ETV6: variants seen among roughly 807,000 people sequenced by gnomAD.
ETV6 encodes ETS variant transcription factor 6.
Under a neutral mutation model 51.1 loss-of-function variants are expected in ETV6, and 16 were observed. The ratio of observed to expected loss-of-function variants is 0.31; its 90% CI spans 0.21 to 0.48. The LOEUF is 0.48. ETV6 is among the 20% of genes least tolerant of loss of function. The pLI is 0.99. For missense variants in ETV6, 458 were observed against 594.8 expected, an observed-to-expected ratio of 0.77 and a Z score of 2.39; for synonymous variants, 240 against 224.1, an observed-to-expected ratio of 1.07 and a Z score of -0.64.
At chr12:11,846,003 A>G (rs1316625557) in intron 3 of ETV6, among the ~76,000 whole-genome samples, 1 of 151,856 alleles carries the variant, frequency 6.6e-6, no homozygotes, top group Non-Finnish European at 1.5e-5. Flanking sequence ...AAAAAAAAAA[A>G]AAGAAAAAAG....
intron 1 of ETV6, among the ~76,000 whole-genome samples, chr12:11,728,519 A>C (rs1865533558): frequency 6.6e-6 from 1 of 152,198 alleles, no homozygotes; most frequent in Non-Finnish European, 1.5e-5. Flanking sequence ...ATCTAATGAT[A>C]AATGTCATGT....
At chr12:11,798,465 A>G (rs1945707091) in intron 2 of ETV6, among the ~76,000 whole-genome samples, 2 of 152,152 alleles carry the variant, frequency 1.3e-5, no homozygotes, top group South Asian at 4.2e-4. Context: ...AGACTCCACT[A>G]TGGAGAAGCA....
chr12:11,879,119 G>T (rs373728872), intron 5 of ETV6, among the ~76,000 whole-genome samples: 4 of 151,940 alleles, frequency 2.6e-5, no homozygotes, highest in Admixed American at 2.6e-4. Flanking sequence ...GCTACTTTGC[G>T]TGTTTTGTTG....
At chr12:11,827,422 A>G (rs553607181) in intron 2 of ETV6, among the ~76,000 whole-genome samples, 93 of 152,242 alleles carry the variant, frequency 6.1e-4, no homozygotes, top group South Asian at 1.2e-3. Flanking sequence ...CATGTTCTAG[A>G]AAAGCCATGC....
In ETV6 at chr12:11,869,393, G is replaced by T. The variant is rs910163668; in HGVS notation, c.464-31G>T. ...TTTCCTGTCCTGCCAACTCACTGGGGTCTGTGATTGTCTTTCCCTCTGCTC... is the reference window on the plus strand; with the variant it reads ...TTTCCTGTCCTGCCAACTCACTGGGTTCTGTGATTGTCTTTCCCTCTGCTC... On this transcript the variant is annotated intron_variant, in intron 4 of 7. Transcript: ENST00000396373. The surrounding 1 kb of genome is among the most constrained non-coding windows in gnomAD (Gnocchi z 5.0). 1 of 1,575,030 alleles carries T rather than the reference G, an allele frequency of 6.3e-7. No individual in the cohort carries two copies. The highest frequency in any genetic ancestry group is 8.6e-7 in the Non-Finnish European group (1 of 1,158,990).
intron 2 of ETV6, among the ~76,000 whole-genome samples, chr12:11,787,282 A>T (rs937878283): frequency 3.3e-5 from 5 of 152,222 alleles, no homozygotes; most frequent in Non-Finnish European, 5.9e-5. Flanking sequence ...CACTCACCAC[A>T]TACGGCTTTC....
chr12:11,775,150 T>C (rs1267207333), intron 2 of ETV6, among the ~76,000 whole-genome samples: 1 of 152,202 alleles, frequency 6.6e-6, no homozygotes, highest in East Asian at 1.9e-4. Context: ...TTTGAGAATT[T>C]CACTGTTAAT....
intron 2 of ETV6, among the ~76,000 whole-genome samples, chr12:11,767,260 T>C (rs1460357917): frequency 6.6e-6 from 1 of 152,236 alleles, no homozygotes; most frequent in African/African-American, 2.4e-5. Context: ...CAGTCATACC[T>C]TTTTCACATT....
chr12:11,782,455 T>C (rs1473267829), intron 2 of ETV6, among the ~76,000 whole-genome samples: 4 of 152,200 alleles, frequency 2.6e-5, no homozygotes, highest in Non-Finnish European at 5.9e-5. Context: ...TGTTAAACAT[T>C]TTATTATTAA....
intron 1 of ETV6, among the ~76,000 whole-genome samples, chr12:11,688,019 C>T (rs1298582409): frequency 6.6e-6 from 1 of 152,274 alleles, no homozygotes; most frequent in East Asian, 1.9e-4. Context: ...TATTAGTTTT[C>T]CTGCTTTACA....
intron 1 of ETV6, among the ~76,000 whole-genome samples, chr12:11,654,537 T>C (rs1037773079): frequency 1.3e-5 from 2 of 152,084 alleles, no homozygotes; most frequent in Non-Finnish European, 2.9e-5. Context: ...CTTGGTCCAT[T>C]TTAATCACAA....
chr12:11,749,169 C>T (rs1414498667), intron 1 of ETV6, among the ~76,000 whole-genome samples: 1 of 152,064 alleles, frequency 6.6e-6, no homozygotes, highest in Non-Finnish European at 1.5e-5. Context: ...ACATCATTGA[C>T]CTCCACCAGC....
chr12:11,870,051 C>G (rs1946858033), intron 5 of ETV6, 82 bp downstream of exon 5: 4 of 1,471,978 alleles, frequency 2.7e-6, no homozygotes, highest in Non-Finnish European at 3.6e-6. Flanking sequence ...TTGCAGCCAG[C>G]CTCGCACCAT....
At chr12:11,812,901 C>T (rs1945935196) in intron 2 of ETV6, among the ~76,000 whole-genome samples, 1 of 152,186 alleles carries the variant, frequency 6.6e-6, no homozygotes, top group Admixed American at 6.5e-5. Flanking sequence ...TGGTCTTTAT[C>T]CTCATAGCTT....
chr12:11,706,526 G>A (rs1314750052), intron 1 of ETV6, among the ~76,000 whole-genome samples: 1 of 152,236 alleles, frequency 6.6e-6, no homozygotes, highest in Non-Finnish European at 1.5e-5. Context: ...TAGTGAATCA[G>A]TGTGCTCCGA....
intron 6 of ETV6, among the ~76,000 whole-genome samples, 174 bp from the exon 7 acceptor site, chr12:11,885,752 G>T (rs1947173938): frequency 6.6e-6 from 1 of 152,208 alleles, no homozygotes; most frequent in Non-Finnish European, 1.5e-5. Flanking sequence ...AAGCTAAAGG[G>T]TGGGGACAGA....
chr12:11,831,522 G>T (rs1414183676), intron 2 of ETV6, among the ~76,000 whole-genome samples: 1 of 152,186 alleles, frequency 6.6e-6, no homozygotes, highest in Non-Finnish European at 1.5e-5. Flanking sequence ...ACCACACCCA[G>T]CCCTTAAATA....
In ETV6 at chr12:11,829,358, A is replaced by G. The variant is rs143353837; in HGVS notation, c.164-9782A>G. ...CTCATTTCATGCTCACATTTGCCCT[A>G]AGAGGTAAGTACTATTCTGGACTCC... is the stretch of plus-strand genomic sequence containing the variant. On this transcript the variant is annotated intron_variant, in intron 2 of 7. Transcript: ENST00000396373. Among the ~76,000 whole-genome samples the G allele has an allele frequency of 7.0e-4, 106 of 152,334 alleles. No homozygotes were observed. In the East Asian group the frequency reaches 0.02, roughly 29 times the overall value.
intron 1 of ETV6, among the ~76,000 whole-genome samples, chr12:11,729,786 A>T (rs919938967): frequency 1.6e-4 from 24 of 152,280 alleles, no homozygotes; most frequent in African/African-American, 5.3e-4. Context: ...TCTTTAAAAA[A>T]TTTTTTTATC....
Sources: allele counts gnomAD v4.1 joint callset (sites outside exome capture counted in the v4.1 genomes callset), GRCh38; gene constraint gnomAD v4.1.1; non-coding constraint Gnocchi (gnomAD v3.1); transcripts MANE v1.5; gene names NCBI Gene and HGNC (gene_info 2026-07-23, HGNC 2026-07-21).